DYNC2I1: variants seen among roughly 807,000 people sequenced by gnomAD.
DYNC2I1 encodes the protein cytoplasmic dynein 2 intermediate chain 1.
In DYNC2I1, 89 loss-of-function variants were observed where a neutral mutation model predicts 133.4. The observed-to-expected ratio is 0.67, with a 90% CI of 0.56 to 0.80. DYNC2I1 has a LOEUF of 0.80. DYNC2I1 is among the 30% of genes least tolerant of loss of function. The pLI is 0.00. For missense variants in DYNC2I1, 1,291 were observed against 1,314.5 expected, an observed-to-expected ratio of 0.98 and a Z score of 0.28; for synonymous variants, 504 against 484.3, an observed-to-expected ratio of 1.04 and a Z score of -0.54.
intron 4 of DYNC2I1, among the ~76,000 whole-genome samples, chr7:158,951,902 A>C (rs1269124935): frequency 6.6e-6 from 1 of 152,088 alleles, no homozygotes; most frequent in Non-Finnish European, 1.5e-5. Flanking sequence ...TTTTAGAAGG[A>C]TGTGTTCTGG....
chr7:158,954,962 A>G (rs114047519), intron 4 of DYNC2I1, among the ~76,000 whole-genome samples: 528 of 152,028 alleles, frequency 3.5e-3, no homozygotes, highest in African/African-American at 0.012. Context: ...TCTTTAGACA[A>G]CCTTCTCCTC....
At position 158,889,085 on chromosome 7, in the gene DYNC2I1, T is replaced by C. The variant is rs564465389; in HGVS notation, c.990+2010T>C. Among the ~76,000 whole-genome samples, 1,335 of 149,754 alleles carry C rather than the reference T, an allele frequency of 8.9e-3. 10 individuals are homozygous for C. Among genetic ancestry groups the C allele is most frequent in the African/African-American group, 0.03 (1,210 of 40,922 alleles). On this transcript the variant is annotated intron_variant, in intron 7 of 24. Coordinates refer to ENST00000407559, the MANE Select transcript of DYNC2I1 (RefSeq NM_018051.5). ...CACACACCCCTCCTGTTTTTCTTTT[T>C]TTTTTTTTTTTTTGACATGGGGTCT...
chr7:158,938,280 A>G (rs568322960), intron 23 of DYNC2I1, among the ~76,000 whole-genome samples: 2 of 152,358 alleles, frequency 1.3e-5, no homozygotes, highest in South Asian at 4.1e-4. Flanking sequence ...CAGACATCTC[A>G]GTGGAAACCA....
the DYNC2I1 span, among the ~76,000 whole-genome samples, chr7:158,849,994 G>A: frequency 6.6e-6 from 1 of 152,176 alleles, no homozygotes; most frequent in African/African-American, 2.4e-5. Context: ...CTTTTGCCCA[G>A]GAATCAATCT....
At chr7:158,884,984 T>A (rs1224887841) in intron 6 of DYNC2I1, among the ~76,000 whole-genome samples, 1 of 152,216 alleles carries the variant, frequency 6.6e-6, no homozygotes, top group African/African-American at 2.4e-5. Context: ...AATAATTCAC[T>A]TGGGAGTCAC....
intron 14 of DYNC2I1, among the ~76,000 whole-genome samples, chr7:158,915,783 G>A (rs1393729027): frequency 2.8e-4 from 40 of 145,078 alleles, no homozygotes; most frequent in African/African-American, 8.9e-4. Context: ...TGAGATTAAG[G>A]ATGATTGTGA....
At chr7:158,890,565 G>C (rs1845104604) in intron 7 of DYNC2I1, among the ~76,000 whole-genome samples, 1 of 151,800 alleles carries the variant, frequency 6.6e-6, no homozygotes, top group South Asian at 2.1e-4. Flanking sequence ...ACTGTCACCA[G>C]TTTTAGACAC....
intron 1 of DYNC2I1, among the ~76,000 whole-genome samples, chr7:158,865,100 G>T (rs1439586407): frequency 6.6e-6 from 1 of 152,236 alleles, no homozygotes; most frequent in Non-Finnish European, 1.5e-5. Flanking sequence ...CGGACAAGAT[G>T]GCACAGGGGT....
intron 1 of DYNC2I1, among the ~76,000 whole-genome samples, chr7:158,859,466 T>C (rs1399366824): frequency 6.6e-6 from 1 of 152,186 alleles, no homozygotes; most frequent in African/African-American, 2.4e-5. Context: ...GACATTTGAC[T>C]GTCCCTTGGG....
chr7:158,860,338 C>T (rs35851678), intron 1 of DYNC2I1, among the ~76,000 whole-genome samples: 35,631 of 152,124 alleles, frequency 0.23, 4,915 homozygotes, highest in East Asian at 0.51. Flanking sequence ...GGATTACAGG[C>T]GTGAGCCATC....
At chr7:158,917,825 T>G (rs950092823) in intron 14 of DYNC2I1, among the ~76,000 whole-genome samples, 1 of 152,146 alleles carries the variant, frequency 6.6e-6, no homozygotes, top group Non-Finnish European at 1.5e-5. Context: ...TCAGTTCTCA[T>G]TAACATTTTC....
chr7:158,940,008 G>C (rs1851177109), intron 23 of DYNC2I1, among the ~76,000 whole-genome samples: 2 of 152,102 alleles, frequency 1.3e-5, no homozygotes, highest in African/African-American at 4.8e-5. Context: ...AAGATTAATA[G>C]ATCTAAAACA....
intron 5 of DYNC2I1, among the ~76,000 whole-genome samples, chr7:158,881,671 T>C (rs888456241): frequency 2.0e-5 from 3 of 152,082 alleles, no homozygotes; most frequent in Non-Finnish European, 2.9e-5. Flanking sequence ...GCCAGGATGG[T>C]CTCAATCTCC....
At chr7:158,936,894 T>C (rs1850811142) in intron 23 of DYNC2I1, among the ~76,000 whole-genome samples, 1 of 152,148 alleles carries the variant, frequency 6.6e-6, no homozygotes, top group Non-Finnish European at 1.5e-5. Context: ...GCAGAGAAGA[T>C]TTGCTAAGTA....
chr7:158,885,385 A>C (rs1274340014), intron 6 of DYNC2I1, among the ~76,000 whole-genome samples: 1 of 150,162 alleles, frequency 6.7e-6, no homozygotes, highest in Non-Finnish European at 1.5e-5. Flanking sequence ...TTTGTTGCCG[A>C]GCCTGGAGTG....
At chr7:158,865,329 T>C (rs1422043544) in intron 1 of DYNC2I1, among the ~76,000 whole-genome samples, 1 of 152,246 alleles carries the variant, frequency 6.6e-6, no homozygotes, top group African/African-American at 2.4e-5. Flanking sequence ...TCATCTGTTT[T>C]ATTCGGGAGG....
intron 14 of DYNC2I1, among the ~76,000 whole-genome samples, chr7:158,917,950 C>T (rs1447560086): frequency 2.6e-5 from 4 of 152,180 alleles, no homozygotes; most frequent in Admixed American, 1.3e-4. Context: ...TGTCAGTTCA[C>T]ATGAAACATT....
chr7:158,862,938 G>A (rs967188186), intron 1 of DYNC2I1, among the ~76,000 whole-genome samples: 2 of 151,976 alleles, frequency 1.3e-5, no homozygotes, highest in East Asian at 1.9e-4. Context: ...TGTTCCTCCC[G>A]GTGGGTTCAT....
intron 20 of DYNC2I1, among the ~76,000 whole-genome samples, chr7:158,929,679 T>C (rs770843602): frequency 2.0e-5 from 3 of 152,208 alleles, no homozygotes; most frequent in Non-Finnish European, 4.4e-5. Context: ...CTTATTTCTA[T>C]CTCCTTTTAA....
Sources: allele counts gnomAD v4.1 joint callset (sites outside exome capture counted in the v4.1 genomes callset), GRCh38; gene constraint gnomAD v4.1.1; transcripts MANE v1.5; gene names NCBI Gene and HGNC (gene_info 2026-07-23, HGNC 2026-07-21).